PAX5: variants seen among roughly 807,000 people sequenced by gnomAD.
PAX5 encodes paired box protein Pax-5.
Under a neutral mutation model 43.7 loss-of-function variants are expected in PAX5, and 9 were observed. The observed-to-expected ratio is 0.21, with a 90% CI of 0.12 to 0.36. The LOEUF is 0.36. Ranked by LOEUF, PAX5 falls within the 10% of genes least tolerant of loss-of-function variation. The pLI is 1.00. For missense variants in PAX5, 383 were observed against 532.7 expected (o/e 0.72, Z 2.77); for synonymous variants, 228 against 214.3 (o/e 1.06, Z -0.56).
intron 6 of PAX5, among the ~76,000 whole-genome samples, chr9:36,959,776 G>GCTGCAA (rs1307566755): frequency 2.6e-5 from 4 of 152,232 alleles, no homozygotes; most frequent in African/African-American, 9.6e-5. Flanking sequence ...GGCAGCCTGT[G>GCTGCAA]CTGCAACTGG....
intron 6 of PAX5, among the ~76,000 whole-genome samples, chr9:36,941,878 G>C (rs180784128): frequency 1.2e-3 from 176 of 152,334 alleles, no homozygotes; most frequent in Admixed American, 0.01. Context: ...ATGCAGGGGT[G>C]CATAGGGCAT....
At chr9:36,871,606 T>C (rs975736757) in intron 8 of PAX5, among the ~76,000 whole-genome samples, 1 of 152,250 alleles carries the variant, frequency 6.6e-6, no homozygotes, top group Non-Finnish European at 1.5e-5. Context: ...TGTTTGTTGT[T>C]TGTTTTTAAG....
At chr9:37,027,214 T>C (rs535717517) in intron 1 of PAX5, among the ~76,000 whole-genome samples, 2 of 152,312 alleles carry the variant, frequency 1.3e-5, no homozygotes, top group South Asian at 2.1e-4. Context: ...CGCGGGGTCC[T>C]GGCGGGTTTG....
chr9:36,856,233 G>A (rs1438957372), intron 8 of PAX5, among the ~76,000 whole-genome samples: 2 of 152,228 alleles, frequency 1.3e-5, no homozygotes, highest in Admixed American at 6.5e-5. Flanking sequence ...AGAAAAGGTC[G>A]TGAAATCCAT....
chr9:36,896,934 C>T (rs1335190650), intron 7 of PAX5, among the ~76,000 whole-genome samples: 5 of 152,198 alleles, frequency 3.3e-5, no homozygotes, highest in Admixed American at 2.0e-4. Flanking sequence ...AAGGGTCCTG[C>T]GCAAGCTCTC....
chr9:36,931,357 C>T (rs1473759219), intron 6 of PAX5, among the ~76,000 whole-genome samples: 1 of 152,202 alleles, frequency 6.6e-6, no homozygotes, highest in African/African-American at 2.4e-5. Context: ...TCTAAGTCTC[C>T]TTCCACTGCT....
chr9:36,878,876 G>A (rs573165201), intron 8 of PAX5, among the ~76,000 whole-genome samples: 1 of 152,236 alleles, frequency 6.6e-6, no homozygotes, highest in East Asian at 1.9e-4. Context: ...CAGCCCTGAC[G>A]CCAGGCATGG....
intron 7 of PAX5, among the ~76,000 whole-genome samples, chr9:36,885,904 C>T (rs1260537988): frequency 6.6e-6 from 1 of 152,040 alleles, no homozygotes; most frequent in Non-Finnish European, 1.5e-5. Context: ...CAAAAGGAAC[C>T]CTTTGCAGCT....
chr9:36,943,896 G>T (rs1314848193), intron 6 of PAX5, among the ~76,000 whole-genome samples: 1 of 152,080 alleles, frequency 6.6e-6, no homozygotes, highest in Admixed American at 6.6e-5. Context: ...GACCCAATAA[G>T]TGACTAGAGC....
intron 7 of PAX5, among the ~76,000 whole-genome samples, chr9:36,898,837 G>A (rs1828113907): frequency 6.6e-6 from 1 of 152,030 alleles, no homozygotes; most frequent in South Asian, 2.1e-4. Flanking sequence ...GCACCCACTG[G>A]CCCAGCCTCT....
At chr9:36,912,030 G>A (rs1369598355) in intron 7 of PAX5, among the ~76,000 whole-genome samples, 1 of 152,236 alleles carries the variant, frequency 6.6e-6, no homozygotes, top group African/African-American at 2.4e-5. Flanking sequence ...CTCTAAACAA[G>A]TGGAAAAAAT....
chr9:36,963,672 G>C (rs1314195679), intron 6 of PAX5, among the ~76,000 whole-genome samples: 5 of 152,196 alleles, frequency 3.3e-5, no homozygotes, highest in Non-Finnish European at 5.9e-5. Flanking sequence ...GGTCTTGCAG[G>C]CTGCGTGGTC....
Position 37,034,088 on chromosome 9 carries a change from C to CTTTTTTTTTAT in PAX5, c.-58_-57insATAAAAAAAAA. 2.2e-6 allele frequency: 1 copy of CTTTTTTTTTAT among 447,904 alleles called. No individual in the cohort carries two copies. The highest frequency in any genetic ancestry group is 4.1e-5 in the East Asian group (1 of 24,498). The allele number at this position is 447,904 out of a possible 1,614,324, so 27.7% of individuals were successfully genotyped here. ...GGGAAAAGTTTCCACTTTTTTGTGC[C>CTTTTTTTTTAT]TTTTTTTTTCTTTTTTTTTTTTTTT... On this transcript the variant is annotated 5_prime_UTR_variant, in exon 1 of 10. Coordinates refer to ENST00000358127, the MANE Select transcript of PAX5 (RefSeq NM_016734.3).
At position 36,999,851 on chromosome 9, in the gene PAX5, C is replaced by G. The variant is rs918626793; in HGVS notation, c.604+2797G>C. Among the ~76,000 whole-genome samples, 20 of 152,252 alleles carry G rather than the reference C, an allele frequency of 1.3e-4. No individual in the cohort carries two copies. In the South Asian group the frequency reaches 2.1e-3, roughly 16 times the overall value. On this transcript the variant is annotated intron_variant, in intron 5 of 9. Transcript: ENST00000358127. Reference sequence around the variant, plus strand: ...TCTGGCCTTCAGGTCTCACTTCTCTCTCCGCATCCAACCTGCTAATCATGC... The same window carrying G: ...TCTGGCCTTCAGGTCTCACTTCTCTGTCCGCATCCAACCTGCTAATCATGC...
chr9:36,868,568 C>T (rs1249388711), intron 8 of PAX5, among the ~76,000 whole-genome samples: 3 of 152,094 alleles, frequency 2.0e-5, no homozygotes, highest in African/African-American at 4.8e-5. Context: ...AAGGAATATA[C>T]CAGAATTCCA....
intron 3 of PAX5, among the ~76,000 whole-genome samples, chr9:37,014,542 C>A (rs1278167858): frequency 1.3e-5 from 2 of 152,180 alleles, no homozygotes; most frequent in African/African-American, 4.8e-5. Flanking sequence ...GTTTATGTTC[C>A]TCTCACTCAC....
intron 5 of PAX5, among the ~76,000 whole-genome samples, chr9:36,995,443 C>T (rs1837311648): frequency 6.6e-6 from 1 of 152,182 alleles, no homozygotes; most frequent in South Asian, 2.1e-4. Context: ...AAGGGCAGGG[C>T]TTCTCTCAAG....
At chr9:36,973,120 G>GAAAGA (rs1835094353) in intron 5 of PAX5, among the ~76,000 whole-genome samples, 1 of 86,138 alleles carries the variant, frequency 1.2e-5, no homozygotes, top group Non-Finnish European at 2.3e-5. Flanking sequence ...GAAAGGAAAG[G>GAAAGA]AAAGGAAAGG....
At chr9:36,907,147 T>G (rs1346690418) in intron 7 of PAX5, among the ~76,000 whole-genome samples, 1 of 152,224 alleles carries the variant, frequency 6.6e-6, no homozygotes. Flanking sequence ...ACAAGCTGTG[T>G]GAACTCACAG....
Sources: allele counts gnomAD v4.1 joint callset (sites outside exome capture counted in the v4.1 genomes callset), GRCh38; gene constraint gnomAD v4.1.1; transcripts MANE v1.5; gene names NCBI Gene and HGNC (gene_info 2026-07-23, HGNC 2026-07-21).